The following PDE1C variants were observed in gnomAD, a reference collection of about 807,000 sequenced individuals.
PDE1C encodes phosphodiesterase 1C.
In PDE1C, 62 loss-of-function variants were observed where a neutral mutation model predicts 93.1. The ratio of observed to expected loss-of-function variants is 0.67; its 90% CI spans 0.54 to 0.82. The LOEUF (loss-of-function observed/expected upper bound fraction) is 0.82. Among genes scored for constraint, PDE1C ranks in the 40% least tolerant of loss-of-function variants. The probability of loss-of-function intolerance (pLI) is 0.00; values close to 1 mark genes in which losing one functional copy is unlikely to be tolerated. For missense variants in PDE1C, 742 were observed against 884.6 expected, an observed-to-expected ratio of 0.84 and a Z score of 2.04; for synonymous variants, 325 against 310.1, an observed-to-expected ratio of 1.05 and a Z score of -0.50.
the PDE1C span, among the ~76,000 whole-genome samples, chr7:31,724,997 G>A: frequency 6.6e-6 from 1 of 152,144 alleles, no homozygotes; most frequent in African/African-American, 2.4e-5. Flanking sequence ...TATGCCATGG[G>A]CTACTATATA....
At chr7:32,064,808 T>A (rs60253749) in intron 1 of PDE1C, among the ~76,000 whole-genome samples, 18 of 151,938 alleles carry the variant, frequency 1.2e-4, no homozygotes, top group Non-Finnish European at 2.4e-4. Flanking sequence ...TAATTTTGAG[T>A]AAAACAAAAA....
At chr7:31,750,072 G>C (rs1156290383), downstream of PDE1C, among the ~76,000 whole-genome samples, 1 of 152,072 alleles carries the variant, frequency 6.6e-6, no homozygotes, top group Admixed American at 6.6e-5. Flanking sequence ...ATTCTGCTGT[G>C]CTATCATCCT....
chr7:32,257,231 A>G (rs1444930952), intron 1 of PDE1C, among the ~76,000 whole-genome samples: 1 of 152,232 alleles, frequency 6.6e-6, no homozygotes, highest in Non-Finnish European at 1.5e-5. Flanking sequence ...GGAGAAAAAA[A>G]ACAAATGAGA....
intron 3 of PDE1C, among the ~76,000 whole-genome samples, chr7:32,082,057 G>C (rs1466082470): frequency 6.6e-6 from 1 of 152,256 alleles, no homozygotes; most frequent in Non-Finnish European, 1.5e-5. Context: ...AGCAGGGCGA[G>C]GCATTGCCTC....
At chr7:32,147,304 G>GAAAGAAA (rs776392463) in intron 3 of PDE1C, among the ~76,000 whole-genome samples, 3,308 of 142,446 alleles carry the variant, frequency 0.023, 92 homozygotes, top group East Asian at 0.049. Flanking sequence ...AAGAAAGAAA[G>GAAAGAAA]AAAGAAAGAA....
chr7:31,753,473 C>T lies in PDE1C; in HGVS notation c.2041G>A (p.Asp681Asn), dbSNP rs768497187. ...ATCTTGTACCTTGCAGGATGCTCATCAGTTTTCTTTGAGACTGAAGGTGCA... is the reference window on the plus strand; with the variant it reads ...ATCTTGTACCTTGCAGGATGCTCATTAGTTTTCTTTGAGACTGAAGGTGCA... ...SYAPSVSKKTDEHPARYKMLD... is the reference protein window; with the variant it reads ...SYAPSVSKKTNEHPARYKMLD... Residue 681 changes from aspartate to asparagine, a missense_variant, in exon 18 of 18, where the codon GAT becomes AAT. Physicochemically the swap from Asp to Asn is conservative, Grantham distance 23 (BLOSUM62 1). This residue lies in a region of PDE1C where 454 missense variants were observed against 459.4 expected (regional missense o/e 0.99). Transcript: ENST00000396191. 31 of 1,612,458 alleles carry T rather than the reference C, an allele frequency of 1.9e-5. No homozygotes were observed. The South Asian group carries it at 2.6e-4, about 14-fold the overall frequency.
At chr7:31,973,971 T>G (rs1811305920) in intron 2 of PDE1C, among the ~76,000 whole-genome samples, 2 of 152,210 alleles carry the variant, frequency 1.3e-5, no homozygotes, top group East Asian at 3.8e-4. Flanking sequence ...TTATTAAGAT[T>G]TTCTTTAAAA....
At chr7:32,067,202 G>C (rs1319727892) in intron 1 of PDE1C, among the ~76,000 whole-genome samples, 1 of 152,168 alleles carries the variant, frequency 6.6e-6, no homozygotes, top group Non-Finnish European at 1.5e-5. Flanking sequence ...ACAATGCTAA[G>C]AGTTATTCCT....
At chr7:31,654,698 G>A in the PDE1C span, among the ~76,000 whole-genome samples, 1 of 152,166 alleles carries the variant, frequency 6.6e-6, no homozygotes, top group Non-Finnish European at 1.5e-5. Context: ...GGGTCTCTAA[G>A]GAATGGGGAA....
At chr7:32,002,690 A>AC (rs1336104231) in intron 2 of PDE1C, among the ~76,000 whole-genome samples, 3 of 152,148 alleles carry the variant, frequency 2.0e-5, no homozygotes, top group Admixed American at 1.3e-4. Context: ...ATTATGTGCC[A>AC]CCTCTTATGA....
At chr7:32,133,296 C>T (rs192240061) in intron 3 of PDE1C, among the ~76,000 whole-genome samples, 1 of 152,168 alleles carries the variant, frequency 6.6e-6, no homozygotes, top group Non-Finnish European at 1.5e-5. Context: ...AAAGCAACTA[C>T]CTGAAGGCTC....
the PDE1C span, among the ~76,000 whole-genome samples, chr7:31,736,022 T>C: frequency 6.6e-6 from 1 of 152,200 alleles, no homozygotes; most frequent in Non-Finnish European, 1.5e-5. Context: ...CAACAGTGCA[T>C]TGCTGTGTGC....
intron 2 of PDE1C, among the ~76,000 whole-genome samples, chr7:31,896,603 T>C (rs1799358433): frequency 6.6e-6 from 1 of 152,220 alleles, no homozygotes; most frequent in Non-Finnish European, 1.5e-5. Flanking sequence ...GAAGATCTCT[T>C]GAAGAAGTAA....
intron 2 of PDE1C, among the ~76,000 whole-genome samples, chr7:32,206,234 A>G (rs992629390): frequency 2.0e-5 from 3 of 152,076 alleles, no homozygotes; most frequent in Non-Finnish European, 2.9e-5. Flanking sequence ...GGGATTGTGT[A>G]TGCTGATAAT....
At position 32,233,415 on chromosome 7, in the gene PDE1C, C is replaced by T. The variant is rs547316663; in HGVS notation, c.86-23876G>A. Among the ~76,000 whole-genome samples, 6 of 152,110 alleles carry T rather than the reference C, an allele frequency of 3.9e-5. No individual in the cohort carries two copies. In the South Asian group the frequency reaches 1.2e-3, roughly 32 times the overall value. On this transcript the variant is annotated intron_variant, in intron 1 of 18. Coordinates refer to the PDE1C transcript ENST00000396193. The stretch of plus-strand genomic sequence containing the variant: ...ATTGTGAGACAGACTTTAAAATGAC[C>T]TAATTTATGAGGGCTACAAGAAATT...
At chr7:32,252,836 C>T (rs1809491822) in intron 1 of PDE1C, among the ~76,000 whole-genome samples, 1 of 152,118 alleles carries the variant, frequency 6.6e-6, no homozygotes, top group South Asian at 2.1e-4. Flanking sequence ...AATGTTTTAC[C>T]ACTAGTTTTA....
Position 32,085,548 on chromosome 7 carries a change from C to CA in PDE1C, c.308+84236dup, listed in dbSNP as rs1473659434. On this transcript the variant is annotated intron_variant, in intron 3 of 18. Coordinates refer to the PDE1C transcript ENST00000396193. ...TACCAAAGCCAGTCAGAGACACAAC[C>CA]AAAAAACAGAATTTTAGACCAATAT... 2.0e-5 allele frequency among the ~76,000 whole-genome samples: 3 copies of CA among 148,028 alleles called. No individual in the cohort carries two copies. The South Asian group carries it at 6.7e-4, about 33-fold the overall frequency.
intron 17 of PDE1C, among the ~76,000 whole-genome samples, chr7:31,767,611 T>G (rs114110726): frequency 6.6e-6 from 1 of 152,222 alleles, no homozygotes; most frequent in Non-Finnish European, 1.5e-5. Flanking sequence ...TAGTTCTTTA[T>G]AGCAATGCAA....
intron 1 of PDE1C, among the ~76,000 whole-genome samples, chr7:32,319,563 G>T (rs778513083): frequency 3.9e-5 from 6 of 152,202 alleles, no homozygotes; most frequent in Non-Finnish European, 5.9e-5. Flanking sequence ...GAGGCAAAAC[G>T]GGAAAAGTAG....
Sources: allele counts gnomAD v4.1 joint callset (sites outside exome capture counted in the v4.1 genomes callset), GRCh38; gene constraint gnomAD v4.1.1; regional missense constraint gnomAD v4.1.1; transcripts MANE v1.5; gene names NCBI Gene and HGNC (gene_info 2026-07-23, HGNC 2026-07-21).